The following XK variants were observed in gnomAD, a reference collection of about 807,000 sequenced individuals.
The protein encoded by XK is X-linked Kx blood group antigen, Kell and VPS13A binding protein, also known as endoplasmic reticulum membrane adapter protein XK.
XK carries 2 observed loss-of-function variants against 14.0 expected under a neutral mutation model. That is an observed-to-expected ratio of 0.14 (90% CI 0.06 to 0.45). The LOEUF is 0.45. XK is among the 20% of genes least tolerant of loss of function. The probability of loss-of-function intolerance (pLI) is 0.98; values close to 1 mark genes in which losing one functional copy is unlikely to be tolerated. For missense variants in XK, 235 were observed against 341.5 expected (o/e 0.69, Z 2.46); for synonymous variants, 149 against 147.5 (o/e 1.01, Z -0.08).
Position 37,719,820 on chromosome X carries a change from T to C in XK, c.509-7816T>C, listed in dbSNP as rs374508581. Among the ~76,000 whole-genome samples, 15 of 111,189 alleles carry C rather than the reference T, an allele frequency of 1.3e-4. No homozygotes were observed. The East Asian group carries it at 4.2e-3, about 31-fold the overall frequency. ...TTTTTGGATTTTGGCCATTTTTTGT[T>C]GTTGGCATACCATGTTATTTTTAAT... On this transcript the variant is annotated intron_variant, in intron 2 of 2. Transcript: ENST00000378616.
chrX:37,718,048 A>G (rs1927798153), intron 2 of XK, among the ~76,000 whole-genome samples: 1 of 111,830 alleles, frequency 8.9e-6, no homozygotes, highest in Non-Finnish European at 1.9e-5. Context: ...AAGTATAGTA[A>G]TAGTGTACCT....
intron 1 of XK, among the ~76,000 whole-genome samples, chrX:37,692,597 C>T (rs782218253): frequency 2.1e-4 from 23 of 111,580 alleles, no homozygotes; most frequent in Non-Finnish European, 3.4e-4. Flanking sequence ...GATGTGGTTT[C>T]ACCATGTTGG....
chrX:37,689,315 T>C (rs1927160169), intron 1 of XK, among the ~76,000 whole-genome samples: 1 of 112,558 alleles, frequency 8.9e-6, no homozygotes, highest in African/African-American at 3.2e-5. Flanking sequence ...TACTGGAATT[T>C]CTTCCTGCTG....
intron 2 of XK, among the ~76,000 whole-genome samples, chrX:37,703,707 C>G (rs1556444350): frequency 8.9e-6 from 1 of 111,755 alleles, no homozygotes; most frequent in Non-Finnish European, 1.9e-5. Context: ...CCTGGCCTTC[C>G]TTACCTGTTA....
At position 37,730,697 on chromosome X, in the gene XK, T is replaced by C. The variant is rs1233099782; in HGVS notation, c.*2235T>C. On this transcript the variant is annotated 3_prime_UTR_variant, in exon 3 of 3. Transcript: ENST00000378616. ...CCACCAGCCTCCCACTGACTAGGCA[T>C]GTTAGGAATTAGACAAGGATGGAGA... The C allele has an allele frequency of 8.9e-5, 10 of 112,598 alleles. No homozygotes were observed. Among genetic ancestry groups the C allele is most frequent in the Admixed American group, 8.4e-4 (9 of 10,656 alleles). The allele number at this position is 112,598 out of a possible 1,213,427, so 9.3% of individuals were successfully genotyped here. A position where few individuals can be genotyped will look rare whatever the true frequency, so the allele number is the denominator to read the frequency against.
chrX:37,714,667 C>T (rs1433620027), intron 2 of XK, among the ~76,000 whole-genome samples: 1 of 111,700 alleles, frequency 9.0e-6, no homozygotes, highest in Admixed American at 9.5e-5. Flanking sequence ...CCCTGGCTTA[C>T]GAAGCTGGGA....
intron 1 of XK, among the ~76,000 whole-genome samples, chrX:37,692,175 C>T (rs1461442201): frequency 9.0e-6 from 1 of 110,669 alleles, no homozygotes; most frequent in African/African-American, 3.3e-5. Flanking sequence ...AATACGTTTT[C>T]TTCTAAGTGA....
At chrX:37,707,932 A>G (rs1048028003) in intron 2 of XK, among the ~76,000 whole-genome samples, 8 of 112,762 alleles carry the variant, frequency 7.1e-5, no homozygotes, top group Non-Finnish European at 1.5e-4. Context: ...CACTGAGTGA[A>G]CGAGACTCCG....
intron 2 of XK, among the ~76,000 whole-genome samples, chrX:37,715,245 T>A (rs1927746044): frequency 9.0e-6 from 1 of 110,849 alleles, no homozygotes; most frequent in Non-Finnish European, 1.9e-5. Flanking sequence ...AAATTTATAG[T>A]ATAGTTGGGG....
chrX:37,710,926 G>C (rs1355111230), intron 2 of XK, among the ~76,000 whole-genome samples: 11 of 111,893 alleles, frequency 9.8e-5, no homozygotes, highest in Non-Finnish European at 2.1e-4. Context: ...CGATTCTTTA[G>C]GGGTGGGACA....
In XK at chrX:37,731,821, A is replaced by G. The variant is rs1928094941; in HGVS notation, c.*3359A>G. The G allele has an allele frequency of 8.9e-6, 1 of 112,369 alleles. No individual in the cohort carries two copies. The highest frequency in any genetic ancestry group is 1.9e-5 in the Non-Finnish European group (1 of 53,261). The allele number at this position is 112,369 out of a possible 1,213,427, so 9.3% of individuals were successfully genotyped here. On this transcript the variant is annotated 3_prime_UTR_variant, in exon 3 of 3. Coordinates refer to ENST00000378616, the MANE Select transcript of XK (RefSeq NM_021083.4). Reference sequence around the variant, plus strand: ...TTTAGTATAGTTTTCGATAAAGGATATAGCAACATCTTTTGATAATTGTGC... The same window carrying G: ...TTTAGTATAGTTTTCGATAAAGGATGTAGCAACATCTTTTGATAATTGTGC...
rs1174617100 is a variant in XK, at chrX:37,691,496, A to T, written c.246-2790A>T. ...ATGGTATGCTAGTAAACTGTTGGGG[A>T]AAACAAGCCCTGATTTTCAGTGTTT... On this transcript the variant is annotated intron_variant, in intron 1 of 2. Transcript: ENST00000378616. Among the ~76,000 whole-genome samples the T allele has an allele frequency of 4.5e-5, 5 of 112,115 alleles. No individual in the cohort carries two copies. The Admixed American group carries it at 4.7e-4, about 11-fold the overall frequency.
At chrX:37,686,301 G>A (rs1323137212) in intron 1 of XK, 95 bp downstream of exon 1, 1 of 1,146,757 alleles carries the variant, frequency 8.7e-7, no homozygotes, top group African/African-American at 1.8e-5. Flanking sequence ...CGGTTTTCCT[G>A]TGGAGACAGG....
chrX:37,707,455 G>A (rs1157757208), intron 2 of XK, among the ~76,000 whole-genome samples: 129 of 107,762 alleles, frequency 1.2e-3, no homozygotes, highest in Non-Finnish European at 3.7e-4. Flanking sequence ...CAGACGGGGC[G>A]GCTGCCGGGC....
intron 1 of XK, among the ~76,000 whole-genome samples, chrX:37,689,051 G>T (rs781862026): frequency 4.5e-5 from 5 of 111,997 alleles, no homozygotes; most frequent in Non-Finnish European, 9.4e-5. Context: ...ACTATAAAAA[G>T]ACCTATTTCC....
intron 2 of XK, among the ~76,000 whole-genome samples, chrX:37,700,552 T>G (rs1927392545): frequency 8.9e-6 from 1 of 111,864 alleles, no homozygotes; most frequent in South Asian, 3.8e-4. Context: ...GTGGGGTGTT[T>G]GAATCAGTGA....
At chrX:37,697,582 T>A (rs2146814341) in intron 2 of XK, among the ~76,000 whole-genome samples, 1 of 112,334 alleles carries the variant, frequency 8.9e-6, no homozygotes, top group South Asian at 3.7e-4. Context: ...ATTGATGGAT[T>A]TGGCATTAGC....
At chrX:37,723,049 G>A (rs1927910910) in intron 2 of XK, among the ~76,000 whole-genome samples, 1 of 111,367 alleles carries the variant, frequency 9.0e-6, no homozygotes, top group Admixed American at 9.5e-5. Context: ...TATTGCCAAA[G>A]CCTTCCTTTT....
At chrX:37,718,512 G>A (rs1362375974) in intron 2 of XK, among the ~76,000 whole-genome samples, 2 of 111,985 alleles carry the variant, frequency 1.8e-5, no homozygotes, top group Non-Finnish European at 3.8e-5. Context: ...TCCAGATTGT[G>A]ACTATGACAA....
Sources: allele counts gnomAD v4.1 joint callset (sites outside exome capture counted in the v4.1 genomes callset), GRCh38; gene constraint gnomAD v4.1.1; transcripts MANE v1.5; gene names NCBI Gene and HGNC (gene_info 2026-07-23, HGNC 2026-07-21).